The following HTR1F variants were observed in gnomAD, a reference collection of about 807,000 sequenced individuals.
HTR1F encodes 5-hydroxytryptamine (serotonin) receptor 1F, G protein-coupled.
Under a neutral mutation model 24.0 loss-of-function variants are expected in HTR1F, and 17 were observed. That is an observed-to-expected ratio of 0.71 (90% CI 0.48 to 1.06). The LOEUF is 1.06. Among genes scored for constraint, HTR1F ranks in the 50% least tolerant of loss-of-function variants. The pLI, the probability that HTR1F is intolerant of heterozygous loss-of-function variation, is 0.00. For missense variants in HTR1F, 391 were observed against 427.8 expected (o/e 0.91, Z 0.76); for synonymous variants, 186 against 156.8 (o/e 1.19, Z -1.39).
At chr3:87,842,508 T>C (rs1190702174) in intron 2 of HTR1F, among the ~76,000 whole-genome samples, 1 of 151,888 alleles carries the variant, frequency 6.6e-6, no homozygotes, top group Non-Finnish European at 1.5e-5. Context: ...AGATGAGTTA[T>C]GAAACATCTC....
intron 1 of HTR1F, among the ~76,000 whole-genome samples, chr3:87,806,298 T>C (rs1237692916): frequency 6.6e-6 from 1 of 152,014 alleles, no homozygotes; most frequent in African/African-American, 2.4e-5. Flanking sequence ...ATTTTTAGTT[T>C]TTTGGGAAAT....
intron 2 of HTR1F, among the ~76,000 whole-genome samples, chr3:87,966,956 G>T (rs1197679307): frequency 6.6e-6 from 1 of 152,046 alleles, no homozygotes; most frequent in Non-Finnish European, 1.5e-5. Context: ...TTAGTTAAGA[G>T]TATATGAGTT....
intron 2 of HTR1F, among the ~76,000 whole-genome samples, chr3:87,937,928 GAAAAAAA>G (rs57450022): frequency 7.9e-5 from 9 of 114,394 alleles, no homozygotes; most frequent in Admixed American, 3.8e-4. Context: ...CATCTCAAAA[GAAAAAAA>G]AAAAAAAAGA....
intron 2 of HTR1F, among the ~76,000 whole-genome samples, chr3:87,976,339 T>C (rs1328491577): frequency 6.6e-6 from 1 of 152,112 alleles, no homozygotes; most frequent in East Asian, 1.9e-4. Context: ...ATGTTGTCCC[T>C]GAAATTGCTT....
intron 2 of HTR1F, among the ~76,000 whole-genome samples, chr3:87,828,135 C>T (rs1704502705): frequency 6.6e-6 from 1 of 152,096 alleles, no homozygotes; most frequent in South Asian, 2.1e-4. Flanking sequence ...GTTATAAGAT[C>T]GTTTTATAAA....
At chr3:87,963,638 T>G (rs1705108173) in intron 2 of HTR1F, among the ~76,000 whole-genome samples, 1 of 152,114 alleles carries the variant, frequency 6.6e-6, no homozygotes, top group Non-Finnish European at 1.5e-5. Flanking sequence ...CAATATTAGG[T>G]CTTTGCAGGA....
chr3:87,883,792 G>A (rs149501084), intron 2 of HTR1F, among the ~76,000 whole-genome samples: 15,079 of 152,012 alleles, frequency 0.099, 868 homozygotes, highest in East Asian at 0.22. Context: ...CAAGTTTAGA[G>A]AAAAAAGAGT....
intron 2 of HTR1F, among the ~76,000 whole-genome samples, chr3:87,962,661 T>C (rs1705086971): frequency 6.6e-6 from 1 of 152,048 alleles, no homozygotes; most frequent in African/African-American, 2.4e-5. Context: ...AACTAAATTA[T>C]ACAAATGGTA....
At chr3:87,950,054 C>G (rs1430526459) in intron 2 of HTR1F, among the ~76,000 whole-genome samples, 1 of 152,124 alleles carries the variant, frequency 6.6e-6, no homozygotes, top group Non-Finnish European at 1.5e-5. Context: ...TGAGGAGGAA[C>G]CAAACTTGAG....
intron 1 of HTR1F, among the ~76,000 whole-genome samples, chr3:87,807,713 G>A (rs912572227): frequency 3.3e-5 from 5 of 151,888 alleles, no homozygotes; most frequent in African/African-American, 1.2e-4. Context: ...TTAGGGGAAA[G>A]GCTTTCAGGC....
chr3:87,814,900 A>C (rs1376386771), intron 1 of HTR1F, among the ~76,000 whole-genome samples: 3 of 152,096 alleles, frequency 2.0e-5, no homozygotes, highest in Admixed American at 6.6e-5. Context: ...TAGGAGGGAG[A>C]GTTCATGAGA....
intron 1 of HTR1F, among the ~76,000 whole-genome samples, chr3:87,810,540 C>T (rs1320049611): frequency 6.6e-6 from 1 of 152,074 alleles, no homozygotes; most frequent in Non-Finnish European, 1.5e-5. Flanking sequence ...CCAGCATTAT[C>T]TTTATTTGCC....
intron 2 of HTR1F, among the ~76,000 whole-genome samples, chr3:87,934,316 T>C (rs1332011141): frequency 6.6e-6 from 1 of 152,210 alleles, no homozygotes; most frequent in Non-Finnish European, 1.5e-5. Flanking sequence ...ACTGTTGGTG[T>C]TCCACCTTAA....
At chr3:87,872,193 T>C (rs1705573332) in intron 2 of HTR1F, among the ~76,000 whole-genome samples, 1 of 152,108 alleles carries the variant, frequency 6.6e-6, no homozygotes, top group Non-Finnish European at 1.5e-5. Context: ...GAAAGTTAAA[T>C]GCTATTTTGA....
chr3:87,939,017 A>T (rs1704496331), intron 2 of HTR1F, among the ~76,000 whole-genome samples: 1 of 152,232 alleles, frequency 6.6e-6, no homozygotes, highest in Admixed American at 6.5e-5. Context: ...AATATTTGCA[A>T]ACTATGCATC....
intron 2 of HTR1F, among the ~76,000 whole-genome samples, chr3:87,825,290 A>G (rs1362772333): frequency 1.3e-5 from 2 of 152,190 alleles, no homozygotes; most frequent in East Asian, 3.8e-4. Flanking sequence ...GACCTTACCG[A>G]TAATGAGTTT....
At position 87,849,593 on chromosome 3, in the gene HTR1F, A is replaced by C. The variant is rs530491931; in HGVS notation, c.-43+27469A>C. ...ACACCAAAAGCAATGGCAACAAAAG[A>C]CAAAATTGACAAATGGGATCTAATT... is the stretch of plus-strand genomic sequence containing the variant. On this transcript the variant is annotated intron_variant, in intron 2 of 2. Transcript: ENST00000319595. Among the ~76,000 whole-genome samples, 204 of 151,898 alleles carry C rather than the reference A, an allele frequency of 1.3e-3. 1 individual carries two copies. Among genetic ancestry groups the C allele is most frequent in the East Asian group, 3.9e-3 (20 of 5,160 alleles).
intron 2 of HTR1F, among the ~76,000 whole-genome samples, chr3:87,835,335 A>C (rs1214077727): frequency 6.8e-6 from 1 of 147,810 alleles, no homozygotes; most frequent in African/African-American, 2.5e-5. Context: ...TGGAGATGGC[A>C]TATAAATACA....
At chr3:87,884,761 A>ATAATGG (rs1253198976) in intron 2 of HTR1F, among the ~76,000 whole-genome samples, 1 of 152,196 alleles carries the variant, frequency 6.6e-6, no homozygotes, top group Non-Finnish European at 1.5e-5. Flanking sequence ...AGGCCATTAC[A>ATAATGG]TAATGGTAAA....
Sources: gnomAD v4.1 joint callset for allele counts (sites outside exome capture counted in the v4.1 genomes callset) on GRCh38, gnomAD v4.1.1 for gene constraint, MANE v1.5 for transcripts, NCBI Gene and HGNC (gene_info 2026-07-23, HGNC 2026-07-21) for gene names.